Variants in NTHL1 observed in about 807,000 individuals in gnomAD.
NTHL1 encodes the protein endonuclease III-like protein 1.
NTHL1 carries 32 observed loss-of-function variants against 32.3 expected under a neutral mutation model. The observed-to-expected ratio is 0.99, with a 90% CI of 0.75 to 1.33. The LOEUF is 1.33. Among genes scored for constraint, NTHL1 ranks in the 40% most tolerant of loss-of-function variants. The pLI is 0.00. For missense variants in NTHL1, 501 were observed against 414.1 expected, an observed-to-expected ratio of 1.21 and a Z score of -1.82; for synonymous variants, 188 against 176.9, an observed-to-expected ratio of 1.06 and a Z score of -0.50.
Position 2,040,181 on chromosome 16 carries a change from G to C in NTHL1, c.743C>G (p.Thr248Ser), listed in dbSNP as rs577781337. 1.2e-6 allele frequency: 2 copies of C among 1,614,000 alleles called. No individual in the cohort carries two copies. The highest frequency in any genetic ancestry group is 2.2e-5 in the East Asian group (1 of 44,884). ...GGCGCGGGTCTCCTCTGGGGACTTG[G>C]TTGCCTTCTTGGTCCACCTCAGCCT... ...ANRLRWTKKA[T>S]KSPEETRAAL... Residue 248 changes from threonine to serine, a missense_variant, in exon 5 of 6, where the codon ACC (threonine) becomes AGC (serine). Thr to Ser is a moderately conservative substitution (Grantham distance 58). Transcript: ENST00000651570.
chr16:2,040,294 C>A, intron 4 of NTHL1, 56 bp from the exon 5 acceptor site: 1 of 1,513,358 alleles, frequency 6.6e-7, no homozygotes, highest in South Asian at 1.1e-5. Context: ...CTAGCCCGTG[C>A]CCCTCCCCGC....
chr16:2,045,067 T>C (rs560127242), intron 2 of NTHL1, among the ~76,000 whole-genome samples: 199 of 152,308 alleles, frequency 1.3e-3, no homozygotes, highest in African/African-American at 4.5e-3. Flanking sequence ...CCGGGCGTGG[T>C]GGCTCGCACC....
chr16:2,043,766 A>C lies in NTHL1; in HGVS notation c.526-40T>G, dbSNP rs1326368196. On this transcript the variant is annotated intron_variant, in intron 3 of 5. Transcript: ENST00000651570. The surrounding 1 kb of genome is among the most constrained non-coding windows in gnomAD (Gnocchi z 4.4). ...TGGGTTCAGCCTTGGAGGCAAGGGC[A>C]CAGCCCAACCTGGGAGGATGCAGCC... is the stretch of plus-strand genomic sequence containing the variant. The C allele has an allele frequency of 6.2e-7, 1 of 1,607,530 alleles. No individual in the cohort carries two copies. Among genetic ancestry groups the C allele is most frequent in the Admixed American group, 1.7e-5 (1 of 59,964 alleles).
chr16:2,040,714 C>T (rs921709690), intron 4 of NTHL1, among the ~76,000 whole-genome samples: 15 of 152,164 alleles, frequency 9.9e-5, no homozygotes, highest in South Asian at 8.3e-4. Context: ...AACCGAGGCC[C>T]GGCAGGATCC....
intron 1 of NTHL1, chr16:2,047,387 A>C: frequency 2.5e-6 from 1 of 399,092 alleles, no homozygotes; most frequent in Non-Finnish European, 4.5e-6. Context: ...GAGGACAGCA[A>C]GTTCACTGCA....
rs939350999 is a variant in NTHL1 at position 2,040,022 on chromosome 16, G to A, written c.817C>T (p.Leu273Phe). The change falls in exon 6 of 6, where the codon CTC (leucine) becomes TTC (phenylalanine). Residue 273 changes from leucine to phenylalanine, a missense_variant. By Grantham distance (22) the Leu-to-Phe change is conservative. Transcript: ENST00000651570. ...PRELWHEINGLLVGFGQQTCL... is the reference protein window; with the variant it reads ...PRELWHEINGFLVGFGQQTCL... The stretch of plus-strand genomic sequence containing the variant: ...GTCTGCTGGCCGAAGCCCACCAAGA[G>A]TCCATTGATCTCGTGCCACAGCTCC... The A allele has an allele frequency of 1.9e-6, 3 of 1,612,160 alleles. No homozygotes were observed. Among genetic ancestry groups the A allele is most frequent in the African/African-American group, 1.3e-5 (1 of 75,050 alleles).
chr16:2,046,131 TG>T lies in NTHL1; in HGVS notation c.350del (p.Pro117GlnfsTer12), dbSNP rs763525759. ...GGCAGATGGGGCCCCTGCCTACCTT[TG>T]GGGGGGCACTGGAGTCATAGCAGTG... ...TEHCYDSSAPPKVRRYQVLLS... is the reference protein window; with the variant it reads ...TEHCYDSSAPXKVRRYQVLLS... On this transcript the variant is annotated frameshift_variant, in exon 2 of 6. Transcript: ENST00000651570. LOFTEE classifies it high-confidence loss of function. The T allele has an allele frequency of 5.6e-6, 9 of 1,611,558 alleles. No individual in the cohort carries two copies. Among genetic ancestry groups the T allele is most frequent in the Admixed American group, 5.0e-5 (3 of 59,978 alleles).
Position 2,047,736 on chromosome 16 carries a change from G to C in NTHL1, c.88C>G (p.Pro30Ala), listed in dbSNP as rs541004726. ...GPRGCREEPG[P>A]LRRREAAAEA... ...GCTGCAGCCTCTCTTCTCCGGAGAG[G>C]CCCGGGCTCCTCCCTACACCCCCGC... Residue 30 changes from proline (P) to alanine (A), a missense_variant, in exon 1 of 6, where the codon CCT becomes GCT. Physicochemically the swap from Pro to Ala is conservative, Grantham distance 27. Transcript: ENST00000651570. 4 of 1,584,918 alleles carry C rather than the reference G, an allele frequency of 2.5e-6. No homozygotes were observed. The African/African-American group carries it at 4.0e-5, about 16-fold the overall frequency.
At chr16:2,046,558 C>A (rs1299975822) in intron 1 of NTHL1, among the ~76,000 whole-genome samples, 192 bp from the exon 2 acceptor site, 2 of 152,186 alleles carry the variant, frequency 1.3e-5, no homozygotes, top group Non-Finnish European at 2.9e-5. Flanking sequence ...CTGACAAGGT[C>A]CATGTTAGCT....
rs1413907056 is a variant in NTHL1 at position 2,044,562 on chromosome 16, C to A, written c.525+68G>T. On this transcript the variant is annotated intron_variant, in intron 3 of 5. Coordinates refer to ENST00000651570, the MANE Select transcript of NTHL1 (RefSeq NM_002528.7). The surrounding 1 kb of genome is among the most constrained non-coding windows in gnomAD (Gnocchi z 5.0). ...CTCACTTCCTGCACCGTCGCCACCC[C>A]CCTCAGCCTTCTGAGGTCTCTCTCA... 1.9e-6 allele frequency: 3 copies of A among 1,581,506 alleles called. No homozygotes were observed. Among genetic ancestry groups the A allele is most frequent in the Middle Eastern group, 4.5e-4 (2 of 4,472 alleles).
chr16:2,045,209 T>C (rs570607647), intron 2 of NTHL1, among the ~76,000 whole-genome samples: 176 of 152,010 alleles, frequency 1.2e-3, no homozygotes, highest in African/African-American at 4.0e-3. Context: ...CGGTGGTGCA[T>C]GCCTGTAATC....
In NTHL1 at chr16:2,043,839, G is replaced by A. The variant is rs938858021; in HGVS notation, c.526-113C>T. On this transcript the variant is annotated intron_variant, in intron 3 of 5. Coordinates refer to ENST00000651570, the MANE Select transcript of NTHL1 (RefSeq NM_002528.7). The surrounding 1 kb of genome is among the most constrained non-coding windows in gnomAD (Gnocchi z 4.4). Reference sequence around the variant, plus strand: ...AGAGCTACCTGCACCTGCTGAGGACGTGTGCAAGCTCAGCCCCCGCCCCCC... The same window carrying A: ...AGAGCTACCTGCACCTGCTGAGGACATGTGCAAGCTCAGCCCCCGCCCCCC... The A allele has an allele frequency of 1.4e-5, 18 of 1,283,496 alleles. No homozygotes were observed. Among genetic ancestry groups the A allele is most frequent in the African/African-American group, 1.0e-4 (7 of 68,644 alleles). 79.5% of individuals were successfully genotyped at this position (1,283,496 alleles called of 1,614,324 possible). A position where few individuals can be genotyped will look rare whatever the true frequency, so the allele number is the denominator to read the frequency against.
At chr16:2,047,402 G>C in intron 1 of NTHL1, 1 of 453,434 alleles carries the variant, frequency 2.2e-6, no homozygotes, top group South Asian at 2.7e-5. Context: ...ACTGCAGGAG[G>C]GCGGGGATGG....
chr16:2,044,842 G>T lies in NTHL1; in HGVS notation c.355-42C>A. On this transcript the variant is annotated intron_variant, in intron 2 of 5. Coordinates refer to ENST00000651570, the MANE Select transcript of NTHL1 (RefSeq NM_002528.7). The surrounding 1 kb of genome is among the most constrained non-coding windows in gnomAD (Gnocchi z 5.0). Reference sequence around the variant, plus strand: ...AGGGACCGGGGTGGCGGCGGGTCCTGGGTGATTCCCTGGCCAGGCTCCGCC... The same window carrying T: ...AGGGACCGGGGTGGCGGCGGGTCCTTGGTGATTCCCTGGCCAGGCTCCGCC... 6.5e-7 allele frequency: 1 copy of T among 1,539,408 alleles called. No homozygotes were observed. Among genetic ancestry groups the T allele is most frequent in the African/African-American group, 1.4e-5 (1 of 73,386 alleles).
chr16:2,043,325 G>C lies in NTHL1; in HGVS notation c.685+242C>G, dbSNP rs907270347. Among the ~76,000 whole-genome samples, 33 of 152,238 alleles carry C rather than the reference G, an allele frequency of 2.2e-4. No individual in the cohort carries two copies. The highest frequency in any genetic ancestry group is 7.7e-4 in the African/African-American group (32 of 41,548). ...ATTTCTCCCGAATACAACGCAGATG[G>C]AGTCCAGCTCCGGGGCCTCTCTCAG... is the stretch of plus-strand genomic sequence containing the variant. On this transcript the variant is annotated intron_variant, in intron 4 of 5. Coordinates refer to ENST00000651570, the MANE Select transcript of NTHL1 (RefSeq NM_002528.7). This position sits in a 1 kb window ranked among gnomAD's most constrained non-coding sequence, Gnocchi z 4.4.
intron 1 of NTHL1, chr16:2,047,371 C>A (rs2084478927): frequency 5.4e-6 from 2 of 370,454 alleles, no homozygotes; most frequent in African/African-American, 4.4e-5. Context: ...GGCACCCAGC[C>A]TCTCCGAGGA....
chr16:2,043,094 G>T lies in NTHL1; in HGVS notation c.685+473C>A, dbSNP rs1174056750. Among the ~76,000 whole-genome samples the T allele has an allele frequency of 6.8e-6, 1 of 147,634 alleles. No homozygotes were observed. Among genetic ancestry groups the T allele is most frequent in the African/African-American group, 2.5e-5 (1 of 39,534 alleles). ...CTTCCTGCTCCTGGCCCTCTCTCTCGCATCATGGTTTTACAGATGCTGTTC... is the reference window on the plus strand; with the variant it reads ...CTTCCTGCTCCTGGCCCTCTCTCTCTCATCATGGTTTTACAGATGCTGTTC... On this transcript the variant is annotated intron_variant, in intron 4 of 5. Transcript: ENST00000651570. This position sits in a 1 kb window ranked among gnomAD's most constrained non-coding sequence, Gnocchi z 4.4.
rs774831009 is a variant in NTHL1, at chr16:2,046,312, C to G, written c.170G>C (p.Arg57Pro). ...ACTGTCCGAGCCCTCATAGGCCACA[C>G]GCAGTCTCTGTGCTTTCCGCGGACG... ...VKRPRKAQRL[R>P]VAYEGSDSEK... Residue 57 changes from arginine (R) to proline (P), a missense_variant, in exon 2 of 6, where the codon CGT becomes CCT. Coordinates refer to ENST00000651570, the MANE Select transcript of NTHL1 (RefSeq NM_002528.7). 1 of 1,612,576 alleles carries G rather than the reference C, an allele frequency of 6.2e-7. No homozygotes were observed.
rs771672843 is a variant in NTHL1 at position 2,046,179 on chromosome 16, A to T, written c.303T>A (p.Pro101=). The T allele has an allele frequency of 6.2e-7, 1 of 1,613,286 alleles. No homozygotes were observed. The change falls in exon 2 of 6, where the codon CCT becomes CCA. Residue 101 remains proline (P), a synonymous_variant. Transcript: ENST00000651570. ...IRAMRNKKDA[P]VDHLGTEHCY... ...AGTGCTCAGTCCCCAGATGGTCCACAGGTGCATCCTTTTTGTTCCTCATGG... is the reference window on the plus strand; with the variant it reads ...AGTGCTCAGTCCCCAGATGGTCCACTGGTGCATCCTTTTTGTTCCTCATGG...
Sources: gnomAD v4.1 joint callset for allele counts (sites outside exome capture counted in the v4.1 genomes callset) on GRCh38, gnomAD v4.1.1 for gene constraint, Gnocchi (gnomAD v3.1) non-coding constraint, MANE v1.5 for transcripts, NCBI Gene and HGNC (gene_info 2026-07-23, HGNC 2026-07-21) for gene names.